AUTS2: variants seen among roughly 807,000 people sequenced by gnomAD.
AUTS2 encodes the protein autism susceptibility gene 2 protein.
Under a neutral mutation model 112.4 loss-of-function variants are expected in AUTS2, and 17 were observed. The observed-to-expected ratio is 0.15, with a 90% confidence interval of 0.10 to 0.23. The LOEUF is 0.23. AUTS2 is among the 10% of genes least tolerant of loss of function. The pLI is 1.00. For missense variants in AUTS2, 1,510 were observed against 1,701.6 expected, an observed-to-expected ratio of 0.89 and a Z score of 1.98; for synonymous variants, 751 against 702.7, an observed-to-expected ratio of 1.07 and a Z score of -1.09.
At chr7:70,001,171 G>A (rs1799174189) in intron 2 of AUTS2, among the ~76,000 whole-genome samples, 1 of 152,114 alleles carries the variant, frequency 6.6e-6, no homozygotes, top group Non-Finnish European at 1.5e-5. Context: ...TGTTACCCAG[G>A]CTGGAGTGCA....
At chr7:70,439,105 C>A (rs78318639) in intron 5 of AUTS2, among the ~76,000 whole-genome samples, 3 of 152,204 alleles carry the variant, frequency 2.0e-5, no homozygotes, top group Non-Finnish European at 4.4e-5. Context: ...AAAAGCAGAG[C>A]TTTCCCTAAA....
rs1308915940 is a variant in AUTS2, at chr7:69,782,100, C to T, written c.310-117186C>T. Among the ~76,000 whole-genome samples, 3 of 152,156 alleles carry T rather than the reference C, an allele frequency of 2.0e-5. No individual in the cohort carries two copies. In the East Asian group the frequency reaches 5.8e-4, roughly 29 times the overall value. On this transcript the variant is annotated intron_variant, in intron 1 of 18. Transcript: ENST00000342771. ...TTAGAATCTTCTTCGCGGCCCGGCT[C>T]ACACCTGTAATTGCAGCAGTTTGGG...
chr7:70,722,187 A>C (rs1786730523), intron 6 of AUTS2, among the ~76,000 whole-genome samples: 1 of 152,060 alleles, frequency 6.6e-6, no homozygotes, highest in Non-Finnish European at 1.5e-5. Flanking sequence ...CAGTTTAAAG[A>C]GCCCAGGCTG....
In AUTS2 at chr7:70,556,341, A is replaced by T. The variant is rs143353613; in HGVS notation, c.690+120560A>T. ...TTGGCAATTACATTTTTAACCTGAG[A>T]TTTAGGCAGGGACAAATACCCAAAC... On this transcript the variant is annotated intron_variant, in intron 5 of 18. Coordinates refer to ENST00000342771, the MANE Select transcript of AUTS2 (RefSeq NM_015570.4). Among the ~76,000 whole-genome samples the T allele has an allele frequency of 2.3e-3, 350 of 152,326 alleles. 3 individuals carry two copies. Among genetic ancestry groups the T allele is most frequent in the African/African-American group, 7.6e-3 (318 of 41,588 alleles).
intron 4 of AUTS2, among the ~76,000 whole-genome samples, chr7:70,206,648 A>C (rs1033684649): frequency 6.6e-6 from 1 of 152,194 alleles, no homozygotes; most frequent in Non-Finnish European, 1.5e-5. Flanking sequence ...TTAGGATACA[A>C]CTGCCATGTA....
intron 1 of AUTS2, among the ~76,000 whole-genome samples, chr7:69,819,534 G>C (rs1389541674): frequency 6.6e-6 from 1 of 152,202 alleles, no homozygotes; most frequent in Non-Finnish European, 1.5e-5. Context: ...CTGATGACAG[G>C]TGTATGCTGA....
intron 1 of AUTS2, among the ~76,000 whole-genome samples, chr7:69,852,897 G>C (rs1199155072): frequency 1.3e-5 from 2 of 152,068 alleles, no homozygotes; most frequent in Non-Finnish European, 2.9e-5. Context: ...TTGACCCATA[G>C]ATTATTTGCC....
At position 70,621,838 on chromosome 7, in the gene AUTS2, C is replaced by CTTTTTTTTT. The variant is rs67123941; in HGVS notation, c.691-76712_691-76704dup. ...GCTTACGTTAGTGCATAGTCATTCT[C>CTTTTTTTTT]TTTTTTTTTTTTTTTTTTTTTTTTT... is the stretch of plus-strand genomic sequence containing the variant. On this transcript the variant is annotated intron_variant, in intron 5 of 18. Transcript: ENST00000342771. Among the ~76,000 whole-genome samples, 71 of 66,816 alleles carry CTTTTTTTTT rather than the reference C, an allele frequency of 1.1e-3. 13 individuals carry two copies. The highest frequency in any genetic ancestry group is 8.4e-3 in the East Asian group (17 of 2,014). The allele number at this position is 66,816 out of a possible 152,430, so 43.8% of individuals were successfully genotyped here.
intron 4 of AUTS2, among the ~76,000 whole-genome samples, chr7:70,432,258 C>G (rs1795702532): frequency 6.6e-6 from 1 of 152,164 alleles, no homozygotes; most frequent in African/African-American, 2.4e-5. Flanking sequence ...TTTTCCATTT[C>G]CCAGCCTCAT....
intron 1 of AUTS2, among the ~76,000 whole-genome samples, chr7:69,869,179 G>C (rs1388014112): frequency 6.6e-6 from 1 of 152,142 alleles, no homozygotes; most frequent in Non-Finnish European, 1.5e-5. Context: ...CACAACCGTA[G>C]GGAGAAATAT....
chr7:70,757,594 T>A (rs1316552461), intron 6 of AUTS2, among the ~76,000 whole-genome samples: 2 of 152,080 alleles, frequency 1.3e-5, no homozygotes, highest in African/African-American at 4.8e-5. Flanking sequence ...CCTGTTGGGT[T>A]TTTAAGTCAA....
chr7:70,278,323 A>T (rs1359086453), intron 4 of AUTS2, among the ~76,000 whole-genome samples: 4 of 152,174 alleles, frequency 2.6e-5, no homozygotes, highest in African/African-American at 9.7e-5. Flanking sequence ...TCACGCCTAT[A>T]ATCCCAGCAC....
intron 1 of AUTS2, among the ~76,000 whole-genome samples, chr7:69,871,085 CAT>C (rs1477060784): frequency 1.3e-5 from 2 of 152,150 alleles, no homozygotes; most frequent in Non-Finnish European, 2.9e-5. Flanking sequence ...GATATGCACA[CAT>C]TTAACCAACA....
At chr7:69,662,250 A>G (rs555425522) in intron 1 of AUTS2, among the ~76,000 whole-genome samples, 52 of 150,996 alleles carry the variant, frequency 3.4e-4, no homozygotes, top group Non-Finnish European at 5.4e-4. Context: ...AGTCAGGGCC[A>G]TTTGATAGTA....
At chr7:69,936,201 A>G (rs1051223439) in intron 2 of AUTS2, among the ~76,000 whole-genome samples, 7 of 152,352 alleles carry the variant, frequency 4.6e-5, no homozygotes, top group Non-Finnish European at 7.3e-5. Flanking sequence ...TACATTTTGT[A>G]GAAAGCAACT....
chr7:70,639,603 C>T (rs986288109), intron 5 of AUTS2, among the ~76,000 whole-genome samples: 9 of 118,062 alleles, frequency 7.6e-5, no homozygotes, highest in Middle Eastern at 4.0e-3. Flanking sequence ...GGTGATAGAG[C>T]GAGACCCTGT....
chr7:70,454,048 C>T (rs2131099675), intron 5 of AUTS2, among the ~76,000 whole-genome samples: 1 of 152,136 alleles, frequency 6.6e-6, no homozygotes, highest in South Asian at 2.1e-4. Context: ...ATGATTGTCC[C>T]CTGTGGGTTG....
intron 2 of AUTS2, among the ~76,000 whole-genome samples, chr7:70,113,410 T>G (rs879347507): frequency 2.6e-5 from 4 of 152,208 alleles, no homozygotes; most frequent in Non-Finnish European, 5.9e-5. Context: ...GGGGACAATT[T>G]TATCTTGAAA....
chr7:69,632,065 G>C (rs1488033201), intron 1 of AUTS2, among the ~76,000 whole-genome samples: 1 of 152,138 alleles, frequency 6.6e-6, no homozygotes. Flanking sequence ...TTATCAAATA[G>C]GTTAAATTAT....
Sources: allele counts gnomAD v4.1 joint callset (sites outside exome capture counted in the v4.1 genomes callset), GRCh38; gene constraint gnomAD v4.1.1; transcripts MANE v1.5; gene names NCBI Gene and HGNC (gene_info 2026-07-23, HGNC 2026-07-21).